The following KDM2B variants were observed in gnomAD, a reference collection of about 807,000 sequenced individuals.
KDM2B encodes lysine-specific demethylase 2B.
Under a neutral mutation model 150.0 loss-of-function variants are expected in KDM2B, and 26 were observed. The ratio of observed to expected loss-of-function variants is 0.17; its 90% confidence interval spans 0.13 to 0.24. KDM2B has a LOEUF of 0.24. KDM2B is among the 10% of genes least tolerant of loss of function. The pLI is 1.00. For missense variants in KDM2B, 1,265 were observed against 1,816.9 expected (o/e 0.70, Z 5.52); for synonymous variants, 734 against 729.5 (o/e 1.01, Z -0.10).
chr12:121,479,682 C>T (rs1054829881), intron 12 of KDM2B, among the ~76,000 whole-genome samples: 8 of 151,748 alleles, frequency 5.3e-5, no homozygotes, highest in Non-Finnish European at 1.5e-5. Context: ...AGTGCAATGG[C>T]GTGATCTTGG....
chr12:121,563,061 TA>T (rs1555314104), intron 4 of KDM2B, among the ~76,000 whole-genome samples: 3 of 152,292 alleles, frequency 2.0e-5, no homozygotes. Context: ...CTCTCGCCTG[TA>T]ATCCCAGCTA....
intron 2 of KDM2B, among the ~76,000 whole-genome samples, chr12:121,576,723 A>C (rs1478319486): frequency 6.6e-6 from 1 of 152,182 alleles, no homozygotes; most frequent in African/African-American, 2.4e-5. Context: ...CCTGAATATG[A>C]AGGTGATGGG....
the KDM2B span, among the ~76,000 whole-genome samples, chr12:121,411,826 A>G: frequency 6.6e-6 from 1 of 152,142 alleles, no homozygotes; most frequent in Non-Finnish European, 1.5e-5. Flanking sequence ...AAGCTAAGAG[A>G]GCTGTTGGTT....
At chr12:121,409,024 T>A in the KDM2B span, among the ~76,000 whole-genome samples, 41 of 151,562 alleles carry the variant, frequency 2.7e-4, no homozygotes, top group African/African-American at 8.7e-4. Flanking sequence ...CAGGCTGGAG[T>A]GCAGTGGTAC....
chr12:121,514,675 G>C (rs528035248), intron 9 of KDM2B, among the ~76,000 whole-genome samples: 1 of 151,174 alleles, frequency 6.6e-6, no homozygotes, highest in Admixed American at 6.6e-5. Context: ...GTTGGATGGT[G>C]AACAATTACA....
chr12:121,486,809 AATCATC>A (rs1168788584), intron 12 of KDM2B, among the ~76,000 whole-genome samples: 3 of 151,772 alleles, frequency 2.0e-5, no homozygotes, highest in Non-Finnish European at 4.4e-5. Flanking sequence ...TCATAATCAT[AATCATC>A]ATCATCACAA....
intron 6 of KDM2B, among the ~76,000 whole-genome samples, chr12:121,541,949 GGCTTTGAAACATGTCTACAAAT>G (rs1415518869): frequency 6.6e-6 from 1 of 152,200 alleles, no homozygotes; most frequent in Non-Finnish European, 1.5e-5. Context: ...CAACTGTGGA[GGCTTTGAAACATGTCTACAAAT>G]GCTTTGATAC....
At chr12:121,525,915 T>A (rs1186681596) in intron 8 of KDM2B, among the ~76,000 whole-genome samples, 1 of 152,160 alleles carries the variant, frequency 6.6e-6, no homozygotes, top group Non-Finnish European at 1.5e-5. Flanking sequence ...CCCACTTATA[T>A]GACAAATAAG....
intron 6 of KDM2B, among the ~76,000 whole-genome samples, chr12:121,534,942 T>C (rs1887968845): frequency 6.6e-6 from 1 of 152,094 alleles, no homozygotes. Flanking sequence ...GTTAGAGGCT[T>C]CCTCTCTGCT....
chr12:121,499,123 T>TC (rs1232960960), intron 11 of KDM2B, among the ~76,000 whole-genome samples: 4 of 149,832 alleles, frequency 2.7e-5, no homozygotes, highest in Admixed American at 6.7e-5. Flanking sequence ...TTTTTTTTTT[T>TC]TTTTTGAGAT....
At chr12:121,530,857 G>A (rs1266550526) in intron 8 of KDM2B, among the ~76,000 whole-genome samples, 1 of 152,056 alleles carries the variant, frequency 6.6e-6, no homozygotes, top group African/African-American at 2.4e-5. Context: ...CATAAGGCCT[G>A]GACAGAGAGA....
At chr12:121,581,877 C>A (rs1460835968), upstream of KDM2B, among the ~76,000 whole-genome samples, 1 of 152,222 alleles carries the variant, frequency 6.6e-6, no homozygotes, top group Non-Finnish European at 1.5e-5. Flanking sequence ...CAGCTTCCCC[C>A]TCACTCACCT....
chr12:121,513,340 G>GT lies in KDM2B; in HGVS notation c.1109dup (p.Tyr370Ter). The stretch of plus-strand genomic sequence containing the variant: ...GGGAGCGCTGGGTCACACAGTACAC[G>GT]TATCTCTCCAGGACATACCAGCACA... ...YEMCWYVLERYVYCVTQRSHL... is the reference protein window; with the variant it reads ...YEMCWYVLER Residue 370 changes from tyrosine to a stop codon, truncating the protein, a stop_gained and frameshift_variant, in exon 10 of 23, where the codon TAC becomes TAAC. Coordinates refer to ENST00000377071, the MANE Select transcript of KDM2B (RefSeq NM_032590.5). LOFTEE classifies it high-confidence loss of function. This position sits in a 1 kb window ranked among gnomAD's most constrained non-coding sequence, Gnocchi z 5.0. 1 of 1,613,598 alleles carries GT rather than the reference G, an allele frequency of 6.2e-7. No individual in the cohort carries two copies. Among genetic ancestry groups the GT allele is most frequent in the Non-Finnish European group, 8.5e-7 (1 of 1,179,878 alleles).
Position 121,467,115 on chromosome 12 carries a change from C to A in KDM2B, c.1735-13771G>T. The A allele has an allele frequency of 9.1e-7, 1 of 1,093,618 alleles. No homozygotes were observed. Among genetic ancestry groups the A allele is most frequent in the Non-Finnish European group, 1.1e-6 (1 of 874,902 alleles). 67.7% of individuals were successfully genotyped at this position (1,093,618 alleles called of 1,614,324 possible). On this transcript the variant is annotated intron_variant, in intron 12 of 22. Transcript: ENST00000377071. This position sits in a 1 kb window ranked among gnomAD's most constrained non-coding sequence, Gnocchi z 5.1. ...CGCGTCAGACAGGCGGTCGGGAGGT[C>A]GTGCGGCGGGTCCCTCCCTCAGCCC... is the stretch of plus-strand genomic sequence containing the variant.
chr12:121,440,102 C>A (rs1555287841), intron 21 of KDM2B, 27 bp from the exon 22 acceptor site: 15 of 1,554,730 alleles, frequency 9.6e-6, no homozygotes, highest in Non-Finnish European at 1.3e-5. Context: ...GAGGGGGCAA[C>A]CCGTCAATCT....
chr12:121,440,206 T>C, intron 21 of KDM2B, 131 bp from the exon 22 acceptor site: 1 of 640,860 alleles, frequency 1.6e-6, no homozygotes, highest in East Asian at 2.7e-5. Flanking sequence ...AACTGCTTCC[T>C]CCCAAAATCA....
chr12:121,548,277 A>T (rs1555311103), intron 6 of KDM2B, among the ~76,000 whole-genome samples: 1 of 152,150 alleles, frequency 6.6e-6, no homozygotes, highest in Non-Finnish European at 1.5e-5. Flanking sequence ...AGAAAAAAAT[A>T]AAAATAAAAA....
intron 1 of KDM2B, among the ~76,000 whole-genome samples, chr12:121,579,279 G>A (rs989190195): frequency 1.3e-5 from 2 of 152,282 alleles, no homozygotes; most frequent in Non-Finnish European, 2.9e-5. Flanking sequence ...TATGTAACCC[G>A]CGAAGGGGGC....
intron 12 of KDM2B, among the ~76,000 whole-genome samples, chr12:121,487,795 T>C (rs1182972637): frequency 7.4e-6 from 1 of 135,250 alleles, no homozygotes; most frequent in African/African-American, 3.2e-5. Context: ...AGCAGCTTCT[T>C]TTTTTTTTTT....
Sources: allele counts gnomAD v4.1 joint callset (sites outside exome capture counted in the v4.1 genomes callset), GRCh38; gene constraint gnomAD v4.1.1; non-coding constraint Gnocchi (gnomAD v3.1); transcripts MANE v1.5; gene names NCBI Gene and HGNC (gene_info 2026-07-23, HGNC 2026-07-21).